The following NCAM2 variants were observed in gnomAD, a reference collection of about 807,000 sequenced individuals.
NCAM2 encodes the protein N-CAM-2.
NCAM2 carries 30 observed loss-of-function variants against 98.1 expected under a neutral mutation model. The ratio of observed to expected loss-of-function variants is 0.31; its 90% CI spans 0.23 to 0.41. The LOEUF is 0.41. Among genes scored for constraint, NCAM2 ranks in the 10% least tolerant of loss-of-function variants. NCAM2 has a pLI of 1.00. For missense variants in NCAM2, 867 were observed against 1,005.8 expected (o/e 0.86, Z 1.87); for synonymous variants, 368 against 342.4 (o/e 1.07, Z -0.83).
At chr21:21,074,530 G>T (rs1189751093) in intron 1 of NCAM2, among the ~76,000 whole-genome samples, 6 of 152,142 alleles carry the variant, frequency 3.9e-5, no homozygotes, top group African/African-American at 1.4e-4. Flanking sequence ...AGGATCAGGT[G>T]GAAAGGGATC....
At chr21:21,178,873 A>G (rs1321955842) in intron 1 of NCAM2, among the ~76,000 whole-genome samples, 1 of 152,036 alleles carries the variant, frequency 6.6e-6, no homozygotes, top group Admixed American at 6.6e-5. Context: ...GAGACTATAC[A>G]TTTTGGCAGT....
At chr21:21,233,706 C>T in intron 1 of NCAM2, among the ~76,000 whole-genome samples, 1 of 151,646 alleles carries the variant, frequency 6.6e-6, no homozygotes, top group East Asian at 1.9e-4. Flanking sequence ...ACATGTAAAA[C>T]ACAATAAGTT....
intron 1 of NCAM2, among the ~76,000 whole-genome samples, chr21:21,155,695 C>T (rs1055541276): frequency 4.0e-5 from 6 of 151,722 alleles, no homozygotes; most frequent in African/African-American, 1.2e-4. Context: ...TTATATACAG[C>T]GTATACACAA....
rs956267067 is a variant in NCAM2 at position 21,541,579 on chromosome 21, G to A, written c.*3622G>A. On this transcript the variant is annotated 3_prime_UTR_variant, in exon 18 of 18. Transcript: ENST00000400546. The stretch of plus-strand genomic sequence containing the variant: ...TTTGAAAATCAAGCAAATTACTATG[G>A]TGTTTCTTGGGTCTTCATTATTCCA... The A allele has an allele frequency of 3.3e-5, 5 of 151,562 alleles. No homozygotes were observed. Among genetic ancestry groups the A allele is most frequent in the African/African-American group, 1.2e-4 (5 of 41,336 alleles). 9.4% of individuals were successfully genotyped at this position (151,562 alleles called of 1,614,324 possible).
In NCAM2 at chr21:21,236,191, A is replaced by G. The variant is rs867059440; in HGVS notation, c.56-44387A>G. Among the ~76,000 whole-genome samples the G allele has an allele frequency of 7.2e-5, 11 of 152,108 alleles. No individual in the cohort carries two copies. In the South Asian group the frequency reaches 8.3e-4, roughly 11 times the overall value. Reference sequence around the variant, plus strand: ...TAAATAAATAAATAAAGCGCTTCCTATCTAGGAAATCCCAAGATGTTATCT... The same window carrying G: ...TAAATAAATAAATAAAGCGCTTCCTGTCTAGGAAATCCCAAGATGTTATCT... On this transcript the variant is annotated intron_variant, in intron 1 of 17. Coordinates refer to ENST00000400546, the MANE Select transcript of NCAM2 (RefSeq NM_004540.5).
intron 1 of NCAM2, among the ~76,000 whole-genome samples, chr21:21,219,921 C>CA (rs1170579833): frequency 1.3e-5 from 2 of 151,578 alleles, no homozygotes; most frequent in South Asian, 2.1e-4. Flanking sequence ...CAGTTTTTAA[C>CA]AAAAAACATA....
intron 3 of NCAM2, among the ~76,000 whole-genome samples, 178 bp from the exon 4 acceptor site, chr21:21,286,091 G>T (rs2073087720): frequency 6.6e-6 from 1 of 151,934 alleles, no homozygotes; most frequent in African/African-American, 2.4e-5. Flanking sequence ...TTTATTCTCA[G>T]TGAGATAGGA....
intron 1 of NCAM2, among the ~76,000 whole-genome samples, chr21:21,222,194 A>G (rs1362807550): frequency 6.6e-6 from 1 of 152,166 alleles, no homozygotes; most frequent in Non-Finnish European, 1.5e-5. Flanking sequence ...TTGACAGTGA[A>G]TCTTGTCACC....
At chr21:21,354,583 A>T (rs1400326130) in intron 8 of NCAM2, among the ~76,000 whole-genome samples, 2 of 152,204 alleles carry the variant, frequency 1.3e-5, no homozygotes, top group African/African-American at 4.8e-5. Flanking sequence ...TGGTTCACAG[A>T]TCACATTTTT....
intron 1 of NCAM2, among the ~76,000 whole-genome samples, chr21:21,065,664 A>G (rs767356882): frequency 1.1e-4 from 16 of 152,154 alleles, no homozygotes; most frequent in Non-Finnish European, 2.2e-4. Flanking sequence ...GAGGATGGCT[A>G]TTTCAAGACA....
intron 1 of NCAM2, among the ~76,000 whole-genome samples, chr21:21,273,958 G>C (rs950682320): frequency 3.9e-5 from 6 of 152,046 alleles, no homozygotes; most frequent in Non-Finnish European, 5.9e-5. Flanking sequence ...CTGAGGTCGG[G>C]AGTTTGAGAC....
intron 1 of NCAM2, among the ~76,000 whole-genome samples, chr21:21,060,274 A>G (rs192683845): frequency 6.6e-6 from 1 of 152,286 alleles, no homozygotes; most frequent in Admixed American, 6.5e-5. Context: ...ATATGTGAAA[A>G]TAGTCACAAT....
intron 5 of NCAM2, among the ~76,000 whole-genome samples, chr21:21,301,365 G>T (rs1318721988): frequency 2.0e-4 from 16 of 80,280 alleles, no homozygotes; most frequent in Admixed American, 1.5e-3. Flanking sequence ...TTTATAGTTT[G>T]GGGTCTTTTT....
At chr21:21,258,945 C>T (rs945477111) in intron 1 of NCAM2, among the ~76,000 whole-genome samples, 2 of 152,080 alleles carry the variant, frequency 1.3e-5, no homozygotes, top group African/African-American at 2.4e-5. Flanking sequence ...GAAACACGGA[C>T]GTGGCACCAA....
intron 9 of NCAM2, among the ~76,000 whole-genome samples, chr21:21,408,579 C>T (rs2145905102): frequency 6.6e-6 from 1 of 152,062 alleles, no homozygotes; most frequent in Middle Eastern, 3.4e-3. Flanking sequence ...ATGTTTCAAA[C>T]CCTGAAAATT....
chr21:21,373,773 A>T, intron 8 of NCAM2, 90 bp from the exon 9 acceptor site: 1 of 1,123,962 alleles, frequency 8.9e-7, no homozygotes, highest in Non-Finnish European at 1.2e-6. Flanking sequence ...TGCCAGAGAA[A>T]CATGGGAAGT....
chr21:21,009,992 A>G (rs1432194639), intron 1 of NCAM2, among the ~76,000 whole-genome samples: 1 of 151,320 alleles, frequency 6.6e-6, no homozygotes, highest in African/African-American at 2.4e-5. Flanking sequence ...GACGGAGTAC[A>G]TTTTTGGATA....
chr21:21,037,922 C>T (rs986787754), intron 1 of NCAM2, among the ~76,000 whole-genome samples: 8 of 152,090 alleles, frequency 5.3e-5, no homozygotes, highest in African/African-American at 1.4e-4. Flanking sequence ...AACAGAATTC[C>T]CATTTTAAGG....
At chr21:21,510,474 A>T (rs934327063) in intron 16 of NCAM2, among the ~76,000 whole-genome samples, 1 of 152,096 alleles carries the variant, frequency 6.6e-6, no homozygotes, top group African/African-American at 2.4e-5. Flanking sequence ...ATCTTCAAAA[A>T]TGTTGTATTA....
Sources: allele counts gnomAD v4.1 joint callset (sites outside exome capture counted in the v4.1 genomes callset), GRCh38; gene constraint gnomAD v4.1.1; transcripts MANE v1.5; gene names NCBI Gene and HGNC (gene_info 2026-07-23, HGNC 2026-07-21).